The following MLIP variants were observed in gnomAD, a reference collection of about 807,000 sequenced individuals.
The protein encoded by MLIP is muscular LMNA-interacting protein.
A neutral mutation model predicts 84.8 loss-of-function variants in MLIP; 79 were observed. The observed-to-expected ratio is 0.93, with a 90% CI of 0.78 to 1.12. The LOEUF (loss-of-function observed/expected upper bound fraction) is 1.12, where lower values mean the gene tolerates loss of function less well. Among genes scored for constraint, MLIP ranks in the 50% most tolerant of loss-of-function variants. The pLI is 0.00. For missense variants in MLIP, 1,257 were observed against 1,160.6 expected, an observed-to-expected ratio of 1.08 and a Z score of -1.21; for synonymous variants, 504 against 463.0, an observed-to-expected ratio of 1.09 and a Z score of -1.14.
chr6:54,075,830 A>C (rs1468007192), intron 1 of MLIP, among the ~76,000 whole-genome samples: 3 of 152,188 alleles, frequency 2.0e-5, no homozygotes, highest in Non-Finnish European at 2.9e-5. Flanking sequence ...CTGCCTCCAA[A>C]AAACTTCTCT....
intron 8 of MLIP, among the ~76,000 whole-genome samples, chr6:54,162,877 A>G (rs1025574555): frequency 6.6e-6 from 1 of 151,984 alleles, no homozygotes; most frequent in African/African-American, 2.4e-5. Context: ...ACATAACATC[A>G]CAGGTCTGAC....
chr6:54,020,089 G>A (rs998789075), intron 1 of MLIP, among the ~76,000 whole-genome samples: 16 of 152,180 alleles, frequency 1.1e-4, no homozygotes, highest in African/African-American at 3.9e-4. Context: ...TGACTATTTG[G>A]AAAGGCCATG....
chr6:54,137,265 G>C lies in MLIP; in HGVS notation c.1196G>C (p.Gly399Ala). The C allele has an allele frequency of 6.5e-7, 1 of 1,535,974 alleles. No individual in the cohort carries two copies. Among genetic ancestry groups the C allele is most frequent in the African/African-American group, 1.4e-5 (1 of 73,122 alleles). The change falls in exon 4 of 14, where the codon GGA becomes GCA. Residue 399 changes from glycine to alanine, a missense_variant. Transcript: ENST00000502396. ...ATCTGCAGCCAAATGTCATCTAGTG[G>C]AAATCTTTCAAAGTCAGGGGTAAAA... ...STICSQMSSS[G>A]NLSKSGVKSP...
chr6:54,191,390 G>C (rs867592630), intron 10 of MLIP, among the ~76,000 whole-genome samples: 1 of 152,048 alleles, frequency 6.6e-6, no homozygotes, highest in Non-Finnish European at 1.5e-5. Context: ...GGGTATACTG[G>C]TGTTTATACA....
chr6:54,048,888 G>A (rs993359660), intron 1 of MLIP, among the ~76,000 whole-genome samples: 4 of 152,048 alleles, frequency 2.6e-5, no homozygotes, highest in Non-Finnish European at 5.9e-5. Context: ...TTTGGTGTTT[G>A]CAACCTACTC....
chr6:54,107,489 C>T (rs1769102616), upstream of MLIP, among the ~76,000 whole-genome samples: 2 of 152,118 alleles, frequency 1.3e-5, no homozygotes, highest in South Asian at 4.1e-4. Context: ...TCACCCATTA[C>T]CTGAGAGACA....
intron 1 of MLIP, among the ~76,000 whole-genome samples, chr6:54,104,991 G>A (rs549793651): frequency 3.3e-5 from 5 of 152,194 alleles, no homozygotes; most frequent in East Asian, 3.9e-4. Flanking sequence ...CTTGCTCACC[G>A]TTTGTCTTGC....
intron 2 of MLIP, among the ~76,000 whole-genome samples, chr6:54,122,572 A>T (rs1028623620): frequency 6.6e-6 from 1 of 152,252 alleles, no homozygotes; most frequent in Non-Finnish European, 1.5e-5. Context: ...CCTTGTCTAC[A>T]AGAAAACATC....
chr6:54,226,678 A>G (rs59775463), intron 11 of MLIP, among the ~76,000 whole-genome samples: 4,224 of 152,208 alleles, frequency 0.028, 185 homozygotes, highest in African/African-American at 0.094. Context: ...AACAGAGGAA[A>G]CACTATTTAG....
intron 11 of MLIP, among the ~76,000 whole-genome samples, chr6:54,219,791 G>T (rs1445876254): frequency 6.6e-6 from 1 of 152,132 alleles, no homozygotes; most frequent in African/African-American, 2.4e-5. Context: ...AGATTCCTTG[G>T]AAAAGTGTCA....
intron 9 of MLIP, among the ~76,000 whole-genome samples, chr6:54,183,878 A>T (rs1777139194): frequency 6.6e-6 from 1 of 151,274 alleles, no homozygotes; most frequent in African/African-American, 2.4e-5. Flanking sequence ...TAAGCAGTTC[A>T]AAGTAAGGAA....
At chr6:54,050,854 C>A (rs1765335828) in intron 1 of MLIP, among the ~76,000 whole-genome samples, 1 of 152,110 alleles carries the variant, frequency 6.6e-6, no homozygotes, top group African/African-American at 2.4e-5. Flanking sequence ...ATATTCTTCA[C>A]CTAACACTAA....
At chr6:54,041,405 T>G (rs1764734950) in intron 1 of MLIP, among the ~76,000 whole-genome samples, 1 of 152,118 alleles carries the variant, frequency 6.6e-6, no homozygotes, top group African/African-American at 2.4e-5. Flanking sequence ...ATAGATTTTG[T>G]GTGAACATAA....
intron 1 of MLIP, among the ~76,000 whole-genome samples, chr6:54,059,864 C>T (rs1302515776): frequency 6.6e-6 from 1 of 152,252 alleles, no homozygotes; most frequent in African/African-American, 2.4e-5. Flanking sequence ...CTCTATTATA[C>T]TGGCTAAACT....
At chr6:54,026,116 G>C (rs6914051) in intron 1 of MLIP, among the ~76,000 whole-genome samples, 117,465 of 152,072 alleles carry the variant, frequency 0.77, 48,285 homozygotes, top group Non-Finnish European at 0.93. Context: ...TTTCTGAACA[G>C]TGTGTCACTC....
intron 1 of MLIP, among the ~76,000 whole-genome samples, chr6:54,079,268 A>G (rs1766990699): frequency 6.6e-6 from 1 of 152,190 alleles, no homozygotes; most frequent in Non-Finnish European, 1.5e-5. Context: ...CTGTTTAGGT[A>G]GAGTATCTAC....
At chr6:54,192,303 A>G (rs1777995329) in intron 10 of MLIP, among the ~76,000 whole-genome samples, 1 of 151,574 alleles carries the variant, frequency 6.6e-6, no homozygotes, top group Non-Finnish European at 1.5e-5. Flanking sequence ...TATCACATTA[A>G]AAAAAAATCT....
intron 12 of MLIP, among the ~76,000 whole-genome samples, chr6:54,240,837 G>A (rs964020967): frequency 2.0e-5 from 3 of 152,212 alleles, no homozygotes; most frequent in Middle Eastern, 6.8e-3. Flanking sequence ...TGAGCTGGGC[G>A]TGGTGGCACG....
chr6:54,168,900 A>T (rs1438842545), intron 8 of MLIP, among the ~76,000 whole-genome samples: 4 of 137,262 alleles, frequency 2.9e-5, no homozygotes, highest in African/African-American at 8.3e-5. Context: ...ACAGGAAGAG[A>T]GGAAGATTAA....
Sources: allele counts gnomAD v4.1 joint callset (sites outside exome capture counted in the v4.1 genomes callset), GRCh38; gene constraint gnomAD v4.1.1; transcripts MANE v1.5; gene names NCBI Gene and HGNC (gene_info 2026-07-23, HGNC 2026-07-21).